The following C12orf42 variants were observed in gnomAD, a reference collection of about 807,000 sequenced individuals.
C12orf42 encodes the protein chromosome 12 open reading frame 42.
In C12orf42, 25 loss-of-function variants were observed where a neutral mutation model predicts 21.6. The ratio of observed to expected loss-of-function variants is 1.16; its 90% confidence interval spans 0.84 to 1.62. The LOEUF is 1.62. C12orf42 is among the 40% of genes most tolerant of loss of function. The pLI is 0.00. For missense variants in C12orf42, 483 were observed against 459.3 expected, an observed-to-expected ratio of 1.05 and a Z score of -0.47; for synonymous variants, 174 against 175.0, an observed-to-expected ratio of 0.99 and a Z score of 0.05.
At chr12:103,111,541 C>A in the C12orf42 span, among the ~76,000 whole-genome samples, 10 of 152,280 alleles carry the variant, frequency 6.6e-5, no homozygotes, top group South Asian at 1.0e-3. Flanking sequence ...GAAACGTGGT[C>A]TCTTAAGGAA....
chr12:103,266,053 G>A (rs1179261234), downstream of C12orf42, among the ~76,000 whole-genome samples: 1 of 152,118 alleles, frequency 6.6e-6, no homozygotes, highest in Non-Finnish European at 1.5e-5. Context: ...AAGTTTACCA[G>A]TGTCACCTGA....
the C12orf42 span, among the ~76,000 whole-genome samples, chr12:103,551,296 C>A: frequency 6.6e-6 from 1 of 152,132 alleles, no homozygotes; most frequent in Non-Finnish European, 1.5e-5. Context: ...GTCTATTACT[C>A]TTCTTTTTCA....
At chr12:103,309,848 C>T (rs1214680008) in intron 4 of C12orf42, among the ~76,000 whole-genome samples, 2 of 152,370 alleles carry the variant, frequency 1.3e-5, no homozygotes, top group East Asian at 3.9e-4. Flanking sequence ...ACACAGCCCT[C>T]CTGAGCCACA....
chr12:103,184,671 G>C, the C12orf42 span, among the ~76,000 whole-genome samples: 1 of 148,654 alleles, frequency 6.7e-6, no homozygotes, highest in East Asian at 2.0e-4. Context: ...CATGGGGGCA[G>C]ATGATTACAC....
intron 4 of C12orf42, among the ~76,000 whole-genome samples, chr12:103,315,862 G>A (rs2039423670): frequency 6.6e-6 from 1 of 150,634 alleles, no homozygotes; most frequent in Admixed American, 6.7e-5. Context: ...TAGATTCTAA[G>A]TGGTTTTACC....
At chr12:103,199,924 G>A in the C12orf42 span, among the ~76,000 whole-genome samples, 1 of 152,102 alleles carries the variant, frequency 6.6e-6, no homozygotes, top group South Asian at 2.1e-4. Flanking sequence ...CGGTTTGGAG[G>A]TCCCCAGAAA....
At chr12:103,498,476 T>C (rs1253632648), upstream of C12orf42, among the ~76,000 whole-genome samples, 1 of 152,232 alleles carries the variant, frequency 6.6e-6, no homozygotes, top group African/African-American at 2.4e-5. Context: ...TGGGATATTA[T>C]TCAGACAAAA....
chr12:103,366,615 C>G (rs2137831565), intron 4 of C12orf42, among the ~76,000 whole-genome samples: 1 of 151,612 alleles, frequency 6.6e-6, no homozygotes, highest in East Asian at 1.9e-4. Context: ...AACAAATTAG[C>G]AAGAAAAAAA....
chr12:103,072,043 A>C, the C12orf42 span, among the ~76,000 whole-genome samples: 1 of 152,090 alleles, frequency 6.6e-6, no homozygotes, highest in Non-Finnish European at 1.5e-5. Flanking sequence ...AGCTCCCAAA[A>C]ATGAGAGATA....
chr12:103,067,928 GC>G, the C12orf42 span, among the ~76,000 whole-genome samples: 1 of 152,136 alleles, frequency 6.6e-6, no homozygotes, highest in African/African-American at 2.4e-5. Context: ...ATTCATTAGG[GC>G]GTCTCTTAGT....
intron 4 of C12orf42, among the ~76,000 whole-genome samples, chr12:103,342,164 C>A (rs938009762): frequency 1.3e-5 from 2 of 152,112 alleles, no homozygotes; most frequent in Non-Finnish European, 2.9e-5. Context: ...AGGGTAGATA[C>A]CTCTGACATA....
At chr12:103,281,965 G>A (rs116765654) in intron 4 of C12orf42, among the ~76,000 whole-genome samples, 89 of 113,842 alleles carry the variant, frequency 7.8e-4, no homozygotes, top group African/African-American at 2.5e-3. Context: ...GAAAGAAAGA[G>A]ATCGATCCTA....
intron 10 of C12orf42, among the ~76,000 whole-genome samples, chr12:103,242,273 A>G (rs2136170825): frequency 6.6e-6 from 1 of 152,294 alleles, no homozygotes. Flanking sequence ...AGGACACTCT[A>G]GATTGCAGTT....
At chr12:103,419,572 T>C (rs998526670) in intron 2 of C12orf42, among the ~76,000 whole-genome samples, 1 of 152,120 alleles carries the variant, frequency 6.6e-6, no homozygotes, top group South Asian at 2.1e-4. Flanking sequence ...TAAAGACCAG[T>C]GACTCCAACT....
At chr12:103,546,877 C>G in the C12orf42 span, among the ~76,000 whole-genome samples, 1 of 152,194 alleles carries the variant, frequency 6.6e-6, no homozygotes, top group East Asian at 1.9e-4. Context: ...ACATCTTTGT[C>G]TCCAAAGACA....
the C12orf42 span, among the ~76,000 whole-genome samples, chr12:103,126,849 C>T: frequency 6.6e-6 from 1 of 152,096 alleles, no homozygotes; most frequent in Non-Finnish European, 1.5e-5. Context: ...AAGGAGACAT[C>T]ACTATATAAA....
the C12orf42 span, among the ~76,000 whole-genome samples, chr12:103,088,394 G>A: frequency 6.6e-6 from 1 of 152,188 alleles, no homozygotes; most frequent in Non-Finnish European, 1.5e-5. Flanking sequence ...TTTATTAGAA[G>A]ACACTTATGG....
At chr12:103,483,871 C>T (rs1954642044) in intron 1 of C12orf42, among the ~76,000 whole-genome samples, 1 of 152,112 alleles carries the variant, frequency 6.6e-6, no homozygotes, top group Admixed American at 6.5e-5. Flanking sequence ...TCCAAGTGTT[C>T]TCATTGTTCA....
At chr12:103,342,359 T>C (rs1253622386) in intron 4 of C12orf42, among the ~76,000 whole-genome samples, 1 of 152,188 alleles carries the variant, frequency 6.6e-6, no homozygotes, top group African/African-American at 2.4e-5. Context: ...AAACGAGGAT[T>C]GATGCCTTCT....
Sources: gnomAD v4.1 joint callset for allele counts (sites outside exome capture counted in the v4.1 genomes callset) on GRCh38, gnomAD v4.1.1 for gene constraint, MANE v1.5 for transcripts, NCBI Gene and HGNC (gene_info 2026-07-23, HGNC 2026-07-21) for gene names.